ACSS2: variants seen among roughly 807,000 people sequenced by gnomAD.
The protein encoded by ACSS2 is acyl-CoA synthetase short chain family member 2.
A neutral mutation model predicts 90.6 loss-of-function variants in ACSS2; 58 were observed. The ratio of observed to expected loss-of-function variants is 0.64; its 90% CI spans 0.52 to 0.80. The LOEUF is 0.80. ACSS2 is among the 30% of genes least tolerant of loss of function. The pLI is 0.00. For missense variants in ACSS2, 759 were observed against 912.0 expected (o/e 0.83, Z 2.16); for synonymous variants, 300 against 330.9 (o/e 0.91, Z 1.01).
intron 2 of ACSS2, 48 bp downstream of exon 2, chr20:34,883,037 G>C: frequency 6.9e-7 from 1 of 1,455,820 alleles, no homozygotes; most frequent in Non-Finnish European, 9.4e-7. Context: ...ACACTCATTT[G>C]ATACTTACAA....
At chr20:34,903,880 A>G (rs2080733253) in intron 2 of ACSS2, among the ~76,000 whole-genome samples, 1 of 151,706 alleles carries the variant, frequency 6.6e-6, no homozygotes, top group African/African-American at 2.4e-5. Context: ...CAAAAAAAAA[A>G]AAAAAAAAAA....
chr20:34,907,382 T>A (rs2080834843), intron 2 of ACSS2, among the ~76,000 whole-genome samples: 1 of 152,148 alleles, frequency 6.6e-6, no homozygotes, highest in South Asian at 2.1e-4. Flanking sequence ...CCTCCCAAAG[T>A]GTGGGATTAC....
intron 7 of ACSS2, chr20:34,915,233 A>C (rs1568992617): frequency 1.9e-6 from 3 of 1,613,900 alleles, no homozygotes; most frequent in Non-Finnish European, 2.5e-6. Context: ...ACTGAAAGAG[A>C]AATCCAAGCG....
intron 2 of ACSS2, among the ~76,000 whole-genome samples, chr20:34,900,328 C>G (rs2080622863): frequency 7.8e-6 from 1 of 127,668 alleles, no homozygotes. Context: ...TGCCACCATG[C>G]CCGGCTAAAT....
chr20:34,903,857 T>G (rs957551528), intron 2 of ACSS2, among the ~76,000 whole-genome samples: 2 of 127,696 alleles, frequency 1.6e-5, no homozygotes, highest in Admixed American at 1.8e-4. Flanking sequence ...GGCAACATAG[T>G]GAGACATTGT....
At chr20:34,912,717 C>A (rs755264560) in intron 2 of ACSS2, among the ~76,000 whole-genome samples, 4 of 152,180 alleles carry the variant, frequency 2.6e-5, no homozygotes, top group African/African-American at 4.8e-5. Flanking sequence ...GATTTAGGCA[C>A]AAGTGATCTG....
upstream of ACSS2, chr20:34,876,343 C>T (rs529527142): frequency 1.6e-4 from 46 of 280,632 alleles, no homozygotes; most frequent in African/African-American, 7.2e-4. Context: ...CACCCTCTCC[C>T]TTGTCACACC....
chr20:34,897,927 G>A (rs375903975), intron 2 of ACSS2, among the ~76,000 whole-genome samples: 9 of 152,212 alleles, frequency 5.9e-5, no homozygotes, highest in Admixed American at 3.3e-4. Context: ...CATTGTGTCC[G>A]GAATTGGTGG....
intron 14 of ACSS2, among the ~76,000 whole-genome samples, chr20:34,924,865 A>G (rs181690654): frequency 1.1e-4 from 16 of 151,810 alleles, no homozygotes; most frequent in African/African-American, 3.9e-4. Context: ...ATGCCTGGCT[A>G]ATTTTTGTAT....
chr20:34,884,435 A>C (rs1351501188), intron 2 of ACSS2, among the ~76,000 whole-genome samples: 1 of 152,264 alleles, frequency 6.6e-6, no homozygotes, highest in East Asian at 1.9e-4. Flanking sequence ...ATATAACCAC[A>C]GACAAGGCAT....
rs1305854340 is a variant in ACSS2 at position 34,877,934 on chromosome 20, A to AGAT, written c.178+1112_178+1114dup. On this transcript the variant is annotated intron_variant, in intron 1 of 17. Coordinates refer to ENST00000360596, the MANE Select transcript of ACSS2 (RefSeq NM_018677.4). ...CAGATAGATAGATAGATAGATAGAT[A>AGAT]GATAGATAGTTTGTTTTGAGACAAG... Among the ~76,000 whole-genome samples the AGAT allele has an allele frequency of 3.3e-5, 5 of 150,882 alleles. No individual in the cohort carries two copies. In the East Asian group the frequency reaches 1.0e-3, roughly 30 times the overall value.
chr20:34,926,101 C>A lies in ACSS2; in HGVS notation c.1727-4C>A, dbSNP rs371406187. ...TCTCATGGCACTTCCTTTCCCTTGA[C>A]AAGGACACCTGCTGAGTACAGCAGA... On this transcript the variant is annotated splice_region_variant and splice_polypyrimidine_tract_variant and intron_variant, in intron 15 of 17. Transcript: ENST00000360596. The A allele has an allele frequency of 3.1e-5, 50 of 1,613,992 alleles. No individual in the cohort carries two copies. Among genetic ancestry groups the A allele is most frequent in the African/African-American group, 4.0e-5 (3 of 74,912 alleles).
At chr20:34,888,294 G>GT (rs1253194650) in intron 2 of ACSS2, among the ~76,000 whole-genome samples, 13 of 151,964 alleles carry the variant, frequency 8.6e-5, no homozygotes, top group African/African-American at 3.1e-4. Flanking sequence ...TTGAGCCTCA[G>GT]TTTTCTCAAC....
rs186853586 is a variant in ACSS2, at chr20:34,920,988, C to A, written c.1144-18C>A. The A allele has an allele frequency of 1.1e-5, 18 of 1,613,968 alleles. No individual in the cohort carries two copies. In the East Asian group the frequency reaches 3.8e-4, roughly 34 times the overall value. ...GACTATTAGGAAAGACTGGGAATGA[C>A]CAGCCTTCATGGGTCAGTTTGAGGG... On this transcript the variant is annotated intron_variant, in intron 9 of 17. Coordinates refer to ENST00000360596, the MANE Select transcript of ACSS2 (RefSeq NM_018677.4).
chr20:34,916,513 C>T (rs1331264218), intron 7 of ACSS2, among the ~76,000 whole-genome samples: 1 of 152,270 alleles, frequency 6.6e-6, no homozygotes, highest in East Asian at 1.9e-4. Context: ...ATAACAAACT[C>T]TTGTAATTCT....
chr20:34,912,338 T>A (rs1175949789), intron 2 of ACSS2: 1 of 152,282 alleles, frequency 6.6e-6, no homozygotes, highest in Non-Finnish European at 1.5e-5. Context: ...CAGACTGGAG[T>A]GCAGTAGTGT....
At position 34,927,829 on chromosome 20, in the gene ACSS2, C is replaced by T. The variant is rs973525544; in HGVS notation, c.*615C>T. 1 of 153,830 alleles carries T rather than the reference C, an allele frequency of 6.5e-6. No individual in the cohort carries two copies. Among genetic ancestry groups the T allele is most frequent in the Non-Finnish European group, 1.4e-5 (1 of 69,178 alleles). The allele number at this position is 153,830 out of a possible 1,614,324, so 9.5% of individuals were successfully genotyped here. On this transcript the variant is annotated 3_prime_UTR_variant, in exon 18 of 18. Transcript: ENST00000360596. The surrounding 1 kb of genome is among the most constrained non-coding windows in gnomAD (Gnocchi z 4.2). Reference sequence around the variant, plus strand: ...TCCTAGGGCCAGAGGAGCTTGTCTTCCTTGTCCTCTGTTCCCACCCTCCCC... The same window carrying T: ...TCCTAGGGCCAGAGGAGCTTGTCTTTCTTGTCCTCTGTTCCCACCCTCCCC...
rs746077019 is a variant in ACSS2 at position 34,921,425 on chromosome 20, G to A, written c.1373G>A (p.Arg458His). The change falls in exon 11 of 18, where the codon CGC becomes CAC. Residue 458 changes from arginine (R) to histidine (H), a missense_variant. Physicochemically the swap from Arg to His is conservative, Grantham distance 29. Transcript: ENST00000360596. ...TACCACCGGGTGGTAGGTGCCCAGC[G>A]CTGCCCCATCGTGGACACCTTCTGG... ...LWYHRVVGAQRCPIVDTFWQT... is the reference protein window; with the variant it reads ...LWYHRVVGAQHCPIVDTFWQT... 8.1e-6 allele frequency: 13 copies of A among 1,614,070 alleles called. No individual in the cohort carries two copies. Among genetic ancestry groups the A allele is most frequent in the East Asian group, 2.2e-5 (1 of 44,888 alleles).
chr20:34,914,685 G>A (rs1459663764), intron 7 of ACSS2, among the ~76,000 whole-genome samples: 1 of 152,144 alleles, frequency 6.6e-6, no homozygotes, highest in East Asian at 1.9e-4. Flanking sequence ...ATGCTGGTTG[G>A]GGTATCCTTG....
Sources: gnomAD v4.1 joint callset for allele counts (sites outside exome capture counted in the v4.1 genomes callset) on GRCh38, gnomAD v4.1.1 for gene constraint, Gnocchi (gnomAD v3.1) non-coding constraint, MANE v1.5 for transcripts, NCBI Gene and HGNC (gene_info 2026-07-23, HGNC 2026-07-21) for gene names.